GMDS: variants seen among roughly 807,000 people sequenced by gnomAD.
GMDS encodes the protein GDP-mannose 4,6-dehydratase.
Under a neutral mutation model 49.9 loss-of-function variants are expected in GMDS, and 20 were observed. The ratio of observed to expected loss-of-function variants is 0.40; its 90% CI spans 0.28 to 0.58. The LOEUF (loss-of-function observed/expected upper bound fraction) is 0.58. GMDS is among the 20% of genes least tolerant of loss of function. The pLI, the probability that GMDS is intolerant of heterozygous loss-of-function variation, is 0.42. For missense variants in GMDS, 362 were observed against 481.4 expected (o/e 0.75, Z 2.32); for synonymous variants, 177 against 178.6 (o/e 0.99, Z 0.07).
chr6:2,067,390 C>G (rs941626205), intron 4 of GMDS, among the ~76,000 whole-genome samples: 1 of 149,512 alleles, frequency 6.7e-6, no homozygotes, highest in African/African-American at 2.4e-5. Context: ...CAAAAGCTAG[C>G]AGAAGGCAAG....
chr6:1,741,927 CTT>C lies in GMDS; in HGVS notation c.890+539_890+540del, dbSNP rs111296284. On this transcript the variant is annotated intron_variant, in intron 8 of 10. Coordinates refer to ENST00000380815, the MANE Select transcript of GMDS (RefSeq NM_001500.4). ...AATAAATGAAAGTAAAAACATCTTTCTTTTTTTTTTTTGAGATGGAGTCTTGC... is the reference window on the plus strand; with the variant it reads ...AATAAATGAAAGTAAAAACATCTTTCTTTTTTTTTTGAGATGGAGTCTTGC... Among the ~76,000 whole-genome samples, 253 of 142,996 alleles carry C rather than the reference CTT, an allele frequency of 1.8e-3. 2 individuals carry two copies. The highest frequency in any genetic ancestry group is 5.4e-3 in the African/African-American group (212 of 39,010). The allele number at this position is 142,996 out of a possible 152,430, so 93.8% of individuals were successfully genotyped here.
chr6:2,166,548 A>C (rs1463541529), intron 1 of GMDS, among the ~76,000 whole-genome samples: 1 of 152,240 alleles, frequency 6.6e-6, no homozygotes, highest in Non-Finnish European at 1.5e-5. Flanking sequence ...TCTGAACCCT[A>C]GAACCTTATT....
intron 9 of GMDS, among the ~76,000 whole-genome samples, chr6:1,710,367 C>T (rs1345152597): frequency 6.6e-6 from 1 of 152,260 alleles, no homozygotes; most frequent in Non-Finnish European, 1.5e-5. Flanking sequence ...GATCAGATGC[C>T]TAAAACAGCT....
chr6:1,839,384 T>G (rs1757059377), intron 7 of GMDS, among the ~76,000 whole-genome samples: 1 of 152,204 alleles, frequency 6.6e-6, no homozygotes, highest in South Asian at 2.1e-4. Context: ...CTACAATTAC[T>G]AGCATGATCC....
chr6:1,677,089 A>C (rs1302116156), intron 9 of GMDS, among the ~76,000 whole-genome samples: 1 of 152,220 alleles, frequency 6.6e-6, no homozygotes, highest in East Asian at 1.9e-4. Flanking sequence ...ACAAGAAAAA[A>C]TCAAACAACC....
At chr6:1,932,211 T>TA (rs1200515371) in intron 6 of GMDS, among the ~76,000 whole-genome samples, 1 of 152,132 alleles carries the variant, frequency 6.6e-6, no homozygotes, top group Non-Finnish European at 1.5e-5. Flanking sequence ...TTCCAACTCT[T>TA]ACCACAACCT....
chr6:1,744,155 C>T (rs1319709535), intron 7 of GMDS, among the ~76,000 whole-genome samples: 1 of 152,124 alleles, frequency 6.6e-6, no homozygotes, highest in Non-Finnish European at 1.5e-5. Flanking sequence ...AAAATAATTT[C>T]TCTTTTACCT....
chr6:1,893,299 T>C (rs1260412847), intron 7 of GMDS, among the ~76,000 whole-genome samples: 1 of 149,230 alleles, frequency 6.7e-6, no homozygotes, highest in African/African-American at 2.5e-5. Flanking sequence ...GTTCAAGCCA[T>C]TCTCCTGCCT....
chr6:1,641,175 G>A (rs1325850129), intron 9 of GMDS, among the ~76,000 whole-genome samples: 1 of 152,192 alleles, frequency 6.6e-6, no homozygotes, highest in African/African-American at 2.4e-5. Context: ...CTCATTTTGG[G>A]ACATCCTGAG....
intron 9 of GMDS, among the ~76,000 whole-genome samples, chr6:1,650,129 T>C (rs1396588535): frequency 6.6e-6 from 1 of 152,234 alleles, no homozygotes; most frequent in Non-Finnish European, 1.5e-5. Context: ...AGCTCTGAGA[T>C]GGCCTCCTTT....
intron 7 of GMDS, among the ~76,000 whole-genome samples, chr6:1,909,106 C>T (rs7774602): frequency 0.032 from 4,868 of 152,176 alleles, 257 homozygotes; most frequent in African/African-American, 0.11. Flanking sequence ...TGTATTGCTG[C>T]CACTAGGAAT....
At chr6:1,817,997 C>T (rs1770738981) in intron 7 of GMDS, among the ~76,000 whole-genome samples, 1 of 152,054 alleles carries the variant, frequency 6.6e-6, no homozygotes, top group Non-Finnish European at 1.5e-5. Context: ...TTTTACTTTT[C>T]TGAAATACAG....
intron 4 of GMDS, among the ~76,000 whole-genome samples, chr6:2,025,971 C>T (rs2127410934): frequency 6.6e-6 from 1 of 152,264 alleles, no homozygotes; most frequent in Admixed American, 6.5e-5. Flanking sequence ...GCTACATGGC[C>T]ACATAGTCCT....
intron 7 of GMDS, among the ~76,000 whole-genome samples, chr6:1,744,238 GATTTTGGTCT>G (rs747899856): frequency 2.0e-5 from 3 of 152,144 alleles, no homozygotes; most frequent in Non-Finnish European, 4.4e-5. Context: ...TGGAAGACAA[GATTTTGGTCT>G]ATTTTATATG....
At chr6:1,818,881 T>C (rs1581218238) in intron 7 of GMDS, among the ~76,000 whole-genome samples, 1 of 152,276 alleles carries the variant, frequency 6.6e-6, no homozygotes, top group Non-Finnish European at 1.5e-5. Flanking sequence ...TCGCTTCTCT[T>C]TGTCTCAAAC....
chr6:2,006,705 T>C (rs1450373052), intron 4 of GMDS, among the ~76,000 whole-genome samples: 1 of 152,230 alleles, frequency 6.6e-6, no homozygotes, highest in Non-Finnish European at 1.5e-5. Context: ...TACCACCTTT[T>C]CCATTCTGTA....
intron 9 of GMDS, among the ~76,000 whole-genome samples, chr6:1,656,687 C>T (rs187555327): frequency 5.9e-5 from 9 of 151,988 alleles, no homozygotes; most frequent in African/African-American, 2.2e-4. Flanking sequence ...TCGCTTGAAC[C>T]TGGGAGGTAA....
chr6:1,811,478 A>C (rs1770425285), intron 7 of GMDS, among the ~76,000 whole-genome samples: 1 of 151,740 alleles, frequency 6.6e-6, no homozygotes. Flanking sequence ...TAACTGGAGT[A>C]GATTATTTCA....
chr6:1,807,139 C>T (rs1770211406), intron 7 of GMDS, among the ~76,000 whole-genome samples: 1 of 152,002 alleles, frequency 6.6e-6, no homozygotes, highest in African/African-American at 2.4e-5. Context: ...ACTTCCTGGG[C>T]TCAAGTGAGC....
Sources: gnomAD v4.1 joint callset for allele counts (sites outside exome capture counted in the v4.1 genomes callset) on GRCh38, gnomAD v4.1.1 for gene constraint, MANE v1.5 for transcripts, NCBI Gene and HGNC (gene_info 2026-07-23, HGNC 2026-07-21) for gene names.